SMC5: variants seen among roughly 807,000 people sequenced by gnomAD.
SMC5 encodes structural maintenance of chromosomes 5.
Under a neutral mutation model 148.3 loss-of-function variants are expected in SMC5, and 88 were observed. That is an observed-to-expected ratio of 0.59 (90% confidence interval 0.50 to 0.71). The LOEUF is 0.71. SMC5 is among the 30% of genes least tolerant of loss of function. The pLI, the probability that SMC5 is intolerant of heterozygous loss-of-function variation, is 0.00. For synonymous variants in SMC5, 421 were observed against 432.8 expected (o/e 0.97, Z 0.34); for missense variants, 1,142 against 1,298.9 (o/e 0.88, Z 1.86).
chr9:70,316,125 T>A (rs1760625593), intron 13 of SMC5, among the ~76,000 whole-genome samples: 1 of 152,070 alleles, frequency 6.6e-6, no homozygotes, highest in East Asian at 1.9e-4. Flanking sequence ...ATTCTGCTAA[T>A]GCTGTTGGGA....
intron 11 of SMC5, among the ~76,000 whole-genome samples, chr9:70,309,198 C>T (rs1043726716): frequency 1.3e-5 from 2 of 151,734 alleles, no homozygotes; most frequent in African/African-American, 4.8e-5. Flanking sequence ...GTGGCAGTGG[C>T]AGTTTCTTAA....
Position 70,347,623 on chromosome 9 carries a change from A to C in SMC5, c.2675A>C (p.Glu892Ala). 6.4e-7 allele frequency: 1 copy of C among 1,554,232 alleles called. No homozygotes were observed. The highest frequency in any genetic ancestry group is 8.7e-7 in the Non-Finnish European group (1 of 1,150,502). ...TTTTTCCCCTGCCAGATTGTTCAGG[A>C]ATATACAAAAAGAGAAGAAGAAATA... ...FTGLNPTIVQ[E>A]YTKREEEIEQ... is the part of the protein sequence containing the mutation. Residue 892 changes from glutamate (E) to alanine (A), a missense_variant, in exon 21 of 25, where the codon GAA becomes GCA. This residue lies in a region of SMC5 where 743 missense variants were observed against 835.7 expected (regional missense o/e 0.89). Coordinates refer to ENST00000361138, the MANE Select transcript of SMC5 (RefSeq NM_015110.4).
chr9:70,327,235 A>T (rs775061036), intron 17 of SMC5, among the ~76,000 whole-genome samples: 2 of 152,202 alleles, frequency 1.3e-5, no homozygotes, highest in Admixed American at 6.5e-5. Context: ...ATTAGCCATG[A>T]TCATCTTTTC....
At chr9:70,348,558 G>C (rs1474467588) in intron 22 of SMC5, among the ~76,000 whole-genome samples, 1 of 151,774 alleles carries the variant, frequency 6.6e-6, no homozygotes, top group Admixed American at 6.6e-5. Context: ...GGGTGCGGTG[G>C]TATGTACCTG....
At chr9:70,261,306 A>C (rs1474801943) in intron 1 of SMC5, among the ~76,000 whole-genome samples, 3 of 152,188 alleles carry the variant, frequency 2.0e-5, no homozygotes. Context: ...AGCACTGTAG[A>C]GGATGATTTA....
rs1477930515 is a variant in SMC5, at chr9:70,282,503, G to A, written c.901G>A (p.Glu301Lys). 1.9e-6 allele frequency: 3 copies of A among 1,609,022 alleles called. No homozygotes were observed. The highest frequency in any genetic ancestry group is 1.7e-4 in the Middle Eastern group (1 of 6,050). The change falls in exon 7 of 25, where the codon GAA becomes AAA. Residue 301 changes from glutamate to lysine, a missense_variant. By Grantham distance (56) the Glu-to-Lys change is moderately conservative. Coordinates refer to ENST00000361138, the MANE Select transcript of SMC5 (RefSeq NM_015110.4). Reference protein sequence around the residue: ...RVKEEVRKLKEGQIPVTCRIE... With the variant: ...RVKEEVRKLKKGQIPVTCRIE... ...GAAGGAAGAGGTCAGAAAACTTAAA[G>A]AAGGGCAGATTCCTGTAACATGTCG...
In SMC5 at chr9:70,312,962, TTC is replaced by T. The variant is rs367906520; in HGVS notation, c.1579-1778_1579-1777del. Among the ~76,000 whole-genome samples the T allele has an allele frequency of 2.7e-3, 409 of 152,352 alleles. 2 individuals are homozygous for T. Among genetic ancestry groups the T allele is most frequent in the African/African-American group, 9.5e-3 (395 of 41,594 alleles). ...AAAGGACTTGGGAAGTGTTTCATCC[TTC>T]TGTTTATTGCTTCCTTAACTGTTTT... On this transcript the variant is annotated intron_variant, in intron 11 of 24. Coordinates refer to ENST00000361138, the MANE Select transcript of SMC5 (RefSeq NM_015110.4).
At chr9:70,337,877 C>A (rs2036405480) in intron 17 of SMC5, among the ~76,000 whole-genome samples, 1 of 151,022 alleles carries the variant, frequency 6.6e-6, no homozygotes, top group Non-Finnish European at 1.5e-5. Flanking sequence ...ACCAAGACAG[C>A]CACTTTCAAA....
intron 8 of SMC5, among the ~76,000 whole-genome samples, chr9:70,297,441 CA>C (rs1564039329): frequency 1.3e-5 from 2 of 152,074 alleles, no homozygotes; most frequent in East Asian, 1.9e-4. Flanking sequence ...TAATATAGTG[CA>C]AAAATAATGT....
intron 11 of SMC5, among the ~76,000 whole-genome samples, chr9:70,308,163 A>AT (rs1484852856): frequency 2.0e-5 from 3 of 152,108 alleles, no homozygotes; most frequent in African/African-American, 7.2e-5. Context: ...ACTACTTACA[A>AT]TTGCAGTCCA....
In SMC5 at chr9:70,349,623, G is replaced by A. The variant is rs143855785; in HGVS notation, c.2890-491G>A. Among the ~76,000 whole-genome samples, 608 of 152,050 alleles carry A rather than the reference G, an allele frequency of 4.0e-3. 3 individuals are homozygous for A. Among genetic ancestry groups the A allele is most frequent in the African/African-American group, 0.013 (555 of 41,454 alleles). Reference sequence around the variant, plus strand: ...TACCTTGTTTTTTTCCTTCTTAACCGACTGAAGAAGTTAGGGGGATTCTTG... The same window carrying A: ...TACCTTGTTTTTTTCCTTCTTAACCAACTGAAGAAGTTAGGGGGATTCTTG... On this transcript the variant is annotated intron_variant, in intron 22 of 24. Coordinates refer to ENST00000361138, the MANE Select transcript of SMC5 (RefSeq NM_015110.4).
chr9:70,320,295 A>G (rs1473952813), intron 15 of SMC5, among the ~76,000 whole-genome samples: 2 of 152,228 alleles, frequency 1.3e-5, no homozygotes, highest in African/African-American at 4.8e-5. Context: ...GCAGTGTCTC[A>G]TACTTGTAAC....
At chr9:70,347,215 CCATACACACA>C (rs1391453152) in intron 20 of SMC5, 54 bp downstream of exon 20, 76 of 1,418,380 alleles carry the variant, frequency 5.4e-5, no homozygotes, top group African/African-American at 2.7e-4. Context: ...ACCACCCTCC[CCATACACACA>C]CATACACACA....
chr9:70,270,669 G>A (rs993274840), intron 3 of SMC5, among the ~76,000 whole-genome samples: 2 of 124,104 alleles, frequency 1.6e-5, no homozygotes, highest in Non-Finnish European at 3.4e-5. Flanking sequence ...TTTTTTTTGG[G>A]ACGGAGTGTC....
chr9:70,300,013 G>A, intron 9 of SMC5, 33 bp from the exon 10 acceptor site: 8 of 1,522,172 alleles, frequency 5.3e-6, no homozygotes, highest in Non-Finnish European at 7.0e-6. Flanking sequence ...AATTTTCAGA[G>A]AAACAAGACT....
chr9:70,295,007 A>G (rs1206218627), intron 8 of SMC5, among the ~76,000 whole-genome samples: 1 of 152,128 alleles, frequency 6.6e-6, no homozygotes, highest in Non-Finnish European at 1.5e-5. Context: ...AGAGGAACCA[A>G]AGTGGGGCTC....
At chr9:70,280,533 G>A (rs1402325636) in intron 5 of SMC5, among the ~76,000 whole-genome samples, 1 of 152,194 alleles carries the variant, frequency 6.6e-6, no homozygotes, top group African/African-American at 2.4e-5. Flanking sequence ...ATAAATTGTA[G>A]ACCCTAGACC....
intron 11 of SMC5, among the ~76,000 whole-genome samples, chr9:70,310,291 G>A (rs1179240385): frequency 6.6e-6 from 1 of 152,218 alleles, no homozygotes; most frequent in African/African-American, 2.4e-5. Context: ...TCCATGGGCT[G>A]CAGATTGGAT....
chr9:70,302,821 G>C (rs2035395512), intron 10 of SMC5, among the ~76,000 whole-genome samples: 1 of 152,174 alleles, frequency 6.6e-6, no homozygotes, highest in African/African-American at 2.4e-5. Context: ...CTACTTGTGT[G>C]ACTTCCTTGA....
Sources: gnomAD v4.1 joint callset for allele counts (sites outside exome capture counted in the v4.1 genomes callset) on GRCh38, gnomAD v4.1.1 for gene constraint, gnomAD v4.1.1 regional missense constraint, MANE v1.5 for transcripts, NCBI Gene and HGNC (gene_info 2026-07-23, HGNC 2026-07-21) for gene names.